CADM2: variants seen among roughly 807,000 people sequenced by gnomAD.
CADM2 encodes the protein cell adhesion molecule 2, also known as immunoglobulin superfamily member 4D.
CADM2 carries 12 observed loss-of-function variants against 49.8 expected under a neutral mutation model. That is an observed-to-expected ratio of 0.24 (90% CI 0.15 to 0.39). CADM2 has a LOEUF of 0.39. Ranked by LOEUF, CADM2 falls within the 10% of genes least tolerant of loss-of-function variation. The pLI is 1.00. For synonymous variants in CADM2, 214 were observed against 175.4 expected, an observed-to-expected ratio of 1.22 and a Z score of -1.74; for missense variants, 378 against 492.3, an observed-to-expected ratio of 0.77 and a Z score of 2.20.
At chr3:86,007,533 G>T (rs547111585) in intron 8 of CADM2, among the ~76,000 whole-genome samples, 1 of 152,218 alleles carries the variant, frequency 6.6e-6, no homozygotes, top group South Asian at 2.1e-4. Flanking sequence ...TTGCCAGGTT[G>T]TTCTATTGCA....
chr3:85,951,014 A>G (rs546783406), intron 7 of CADM2, among the ~76,000 whole-genome samples: 77 of 151,156 alleles, frequency 5.1e-4, no homozygotes, highest in African/African-American at 1.8e-3. Flanking sequence ...GTGATGTTTG[A>G]GTAGAAACTT....
chr3:85,843,898 G>GC (rs928451276), intron 3 of CADM2, among the ~76,000 whole-genome samples: 2 of 148,652 alleles, frequency 1.3e-5, no homozygotes, highest in African/African-American at 5.2e-5. Context: ...ATGTGTGTGT[G>GC]GGGGGGGAGC....
intron 1 of CADM2, among the ~76,000 whole-genome samples, chr3:85,401,981 T>C (rs1476298734): frequency 6.6e-6 from 1 of 152,226 alleles, no homozygotes; most frequent in African/African-American, 2.4e-5. Context: ...ATTATTCTTA[T>C]TGAAGTTTGA....
chr3:85,091,698 A>C (rs2037603642), intron 1 of CADM2, among the ~76,000 whole-genome samples: 1 of 152,134 alleles, frequency 6.6e-6, no homozygotes, highest in Non-Finnish European at 1.5e-5. Context: ...TTAAAAATCA[A>C]ACTATTTGCT....
At chr3:85,186,211 C>T (rs1023706599) in intron 1 of CADM2, among the ~76,000 whole-genome samples, 1 of 152,094 alleles carries the variant, frequency 6.6e-6, no homozygotes, top group Non-Finnish European at 1.5e-5. Flanking sequence ...TCTTGCCTTT[C>T]AGGGTGGGAA....
intron 1 of CADM2, among the ~76,000 whole-genome samples, chr3:85,500,729 G>A (rs1256218356): frequency 6.6e-6 from 1 of 152,026 alleles, no homozygotes; most frequent in Non-Finnish European, 1.5e-5. Flanking sequence ...GTGTTAGCCA[G>A]GATGGTCTCG....
chr3:85,313,327 A>T (rs938485551), intron 1 of CADM2, among the ~76,000 whole-genome samples: 2 of 152,232 alleles, frequency 1.3e-5, no homozygotes, highest in African/African-American at 4.8e-5. Flanking sequence ...TTATCCCAAT[A>T]AATCTCTTTT....
At chr3:85,114,874 G>A (rs1244420436) in intron 1 of CADM2, among the ~76,000 whole-genome samples, 2 of 151,964 alleles carry the variant, frequency 1.3e-5, no homozygotes, top group East Asian at 3.9e-4. Flanking sequence ...TATGTTAAAG[G>A]GAAAGGATTA....
At chr3:85,352,267 A>C (rs2031425443) in intron 1 of CADM2, among the ~76,000 whole-genome samples, 1 of 152,128 alleles carries the variant, frequency 6.6e-6, no homozygotes, top group Non-Finnish European at 1.5e-5. Flanking sequence ...TTTGTATTAT[A>C]AAAGCAGCAC....
intron 3 of CADM2, among the ~76,000 whole-genome samples, chr3:85,825,611 A>G (rs1289114849): frequency 1.3e-5 from 2 of 152,090 alleles, no homozygotes; most frequent in Non-Finnish European, 2.9e-5. Context: ...TGACATAGCC[A>G]CTATGAGTAA....
chr3:85,666,761 G>A (rs2065581236), intron 1 of CADM2, among the ~76,000 whole-genome samples: 1 of 151,658 alleles, frequency 6.6e-6, no homozygotes, highest in African/African-American at 2.4e-5. Context: ...GAGAAGGGAA[G>A]GAGAACATCA....
At chr3:84,992,599 A>C (rs1323521883) in intron 1 of CADM2, among the ~76,000 whole-genome samples, 1 of 152,200 alleles carries the variant, frequency 6.6e-6, no homozygotes, top group Non-Finnish European at 1.5e-5. Context: ...ACTGCACTCC[A>C]GCCTGGTGAC....
chr3:85,937,966 C>T (rs1721383608), intron 7 of CADM2, among the ~76,000 whole-genome samples: 1 of 151,966 alleles, frequency 6.6e-6, no homozygotes, highest in Non-Finnish European at 1.5e-5. Flanking sequence ...TATGTATTAA[C>T]TGATTTCTTG....
At chr3:85,140,340 G>A (rs2039540228) in intron 1 of CADM2, among the ~76,000 whole-genome samples, 1 of 152,130 alleles carries the variant, frequency 6.6e-6, no homozygotes, top group South Asian at 2.1e-4. Flanking sequence ...GTTTCGAAGG[G>A]TGGGGTAAAT....
intron 2 of CADM2, among the ~76,000 whole-genome samples, chr3:85,769,869 A>G (rs1399701221): frequency 1.3e-5 from 2 of 151,784 alleles, no homozygotes; most frequent in East Asian, 3.9e-4. Flanking sequence ...AAAAGGGAAA[A>G]CAAAGCAGCA....
intron 5 of CADM2, among the ~76,000 whole-genome samples, chr3:85,893,624 T>C (rs1323689436): frequency 3.3e-5 from 5 of 152,072 alleles, no homozygotes; most frequent in African/African-American, 1.2e-4. Context: ...ATCCAGAATC[T>C]ACAATGAACT....
intron 1 of CADM2, among the ~76,000 whole-genome samples, chr3:85,243,029 T>C (rs2107839721): frequency 6.6e-6 from 1 of 151,930 alleles, no homozygotes; most frequent in Non-Finnish European, 1.5e-5. Context: ...ACTTTAGTTC[T>C]GAGGTCACAT....
intron 1 of CADM2, among the ~76,000 whole-genome samples, chr3:85,213,327 C>A (rs544113051): frequency 1.2e-3 from 186 of 152,066 alleles, no homozygotes; most frequent in African/African-American, 4.3e-3. Flanking sequence ...AGAATATTTT[C>A]ACTGGATATA....
At chr3:85,742,342 T>A (rs1388204700) in intron 2 of CADM2, among the ~76,000 whole-genome samples, 1 of 152,186 alleles carries the variant, frequency 6.6e-6, no homozygotes, top group Admixed American at 6.5e-5. Context: ...TATGTTAACC[T>A]TCCCTGAGAC....
Sources: gnomAD v4.1 joint callset for allele counts (sites outside exome capture counted in the v4.1 genomes callset) on GRCh38, gnomAD v4.1.1 for gene constraint, MANE v1.5 for transcripts, NCBI Gene and HGNC (gene_info 2026-07-23, HGNC 2026-07-21) for gene names.